Variants in CDCP2 observed in about 807,000 individuals in gnomAD.
CDCP2 encodes the protein CUB domain-containing protein 2.
A neutral mutation model predicts 31.0 loss-of-function variants in CDCP2; 31 were observed. The ratio of observed to expected loss-of-function variants is 1.00; its 90% CI spans 0.75 to 1.35. The LOEUF (loss-of-function observed/expected upper bound fraction) is 1.35. Ranked by LOEUF, CDCP2 falls within the 40% of genes most tolerant of loss-of-function variation. The pLI is 0.00. For synonymous variants in CDCP2, 206 were observed against 207.9 expected, an observed-to-expected ratio of 0.99 and a Z score of 0.08; for missense variants, 443 against 482.6, an observed-to-expected ratio of 0.92 and a Z score of 0.77.
chr1:54,136,778 G>A (rs759439090), exon 5 of CDCP2: 14 of 399,110 alleles, frequency 3.5e-5, no homozygotes, highest in African/African-American at 1.2e-4. Context: ...CTGGAAGTCC[G>A]TGCGGGAGCA....
chr1:54,144,667 C>T, exon 2 of CDCP2: 2 of 1,614,196 alleles, frequency 1.2e-6, no homozygotes, highest in Non-Finnish European at 1.7e-6. Context: ...TACTCTAGGT[C>T]AAAGGCATGG....
chr1:54,144,611 G>A, exon 2 of CDCP2: 1 of 1,614,220 alleles, frequency 6.2e-7, no homozygotes, highest in South Asian at 1.1e-5. Context: ...TGTCTGGTGA[G>A]GCCCCATTGT....
At chr1:54,141,430 A>G in exon 3 of CDCP2, 2 of 1,599,304 alleles carry the variant, frequency 1.3e-6, no homozygotes, top group Non-Finnish European at 1.7e-6. Flanking sequence ...GCCGCCACAC[A>G]CATCTGCAAG....
intron 2 of CDCP2, chr1:54,143,558 G>A (rs949181608): frequency 6.6e-5 from 10 of 151,896 alleles, no homozygotes; most frequent in African/African-American, 2.4e-4. Flanking sequence ...CAAATCTAAG[G>A]GTCTAAAATT....
At chr1:54,133,913 C>CA (rs1553173250) in intron 5 of CDCP2, among the ~76,000 whole-genome samples, 2 of 144,790 alleles carry the variant, frequency 1.4e-5, no homozygotes, top group African/African-American at 5.1e-5. Flanking sequence ...AACAAACAAA[C>CA]AAAAAAAACC....
rs1000294561 is a variant in CDCP2, at chr1:54,144,267, C to T, written c.427+199G>A. 6.8e-5 allele frequency: 38 copies of T among 562,880 alleles called. No homozygotes were observed. In the East Asian group the frequency reaches 8.0e-4, roughly 12 times the overall value. The allele number at this position is 562,880 out of a possible 1,614,324, so 34.9% of individuals were successfully genotyped here. ...GTCCTGCAGGTTACAGAGCAGCCTA[C>T]GTGCCAAGATGCTGAGACCCTGTAG... On this transcript the variant is annotated intron_variant, in intron 2 of 5. Transcript: ENST00000530059.
At chr1:54,133,424 C>T in intron 5 of CDCP2, 130 bp from the exon 6 acceptor site, 1 of 397,668 alleles carries the variant, frequency 2.5e-6, no homozygotes, top group Non-Finnish European at 4.4e-6. Context: ...AACTCTGAGC[C>T]TCAGTGATCC....
chr1:54,150,635 A>G (rs1659567535), intron 1 of CDCP2, among the ~76,000 whole-genome samples: 1 of 152,094 alleles, frequency 6.6e-6, no homozygotes, highest in South Asian at 2.1e-4. Context: ...CTCAGGACTT[A>G]AGGAAAAATC....
intron 1 of CDCP2, 126 bp downstream of exon 1, chr1:54,152,718 C>T (rs1440859449): frequency 2.5e-6 from 2 of 800,478 alleles, no homozygotes; most frequent in African/African-American, 3.4e-5. Flanking sequence ...ACATTCTCAA[C>T]TCAGCCACGT....
chr1:54,134,717 GTTTT>G (rs948432209), intron 5 of CDCP2, among the ~76,000 whole-genome samples: 1 of 139,596 alleles, frequency 7.2e-6, no homozygotes, highest in Non-Finnish European at 1.6e-5. Flanking sequence ...TTCTCATGTG[GTTTT>G]TTTTGTTTGT....
chr1:54,144,441 C>A, intron 2 of CDCP2, 25 bp downstream of exon 2: 1 of 1,540,890 alleles, frequency 6.5e-7, no homozygotes, highest in South Asian at 1.3e-5. Flanking sequence ...GCCACTGCAA[C>A]AGGTCCCTAA....
At chr1:54,146,195 T>TCCCTAACCACCTGA (rs1431830442) in intron 1 of CDCP2, among the ~76,000 whole-genome samples, 13 of 149,366 alleles carry the variant, frequency 8.7e-5, no homozygotes, top group African/African-American at 3.4e-4. Flanking sequence ...TTTTTTTTTT[T>TCCCTAACCACCTGA]TTTACGTGGA....
chr1:54,145,909 A>G (rs2100429508), intron 1 of CDCP2, among the ~76,000 whole-genome samples: 1 of 152,334 alleles, frequency 6.6e-6, no homozygotes, highest in South Asian at 2.1e-4. Flanking sequence ...ACTGAAACAA[A>G]TAAACTGAAT....
intron 2 of CDCP2, chr1:54,144,225 C>A: frequency 2.2e-6 from 1 of 452,514 alleles, no homozygotes; most frequent in East Asian, 3.8e-5. Context: ...GCCTTATAAA[C>A]TATGCATGAG....
intron 1 of CDCP2, 142 bp downstream of exon 1, chr1:54,152,702 A>G: frequency 1.4e-6 from 1 of 712,702 alleles, no homozygotes; most frequent in Non-Finnish European, 2.4e-6. Flanking sequence ...CATCTCAGGA[A>G]CAAACACATT....
At chr1:54,142,759 C>T (rs919887616) in intron 2 of CDCP2, 5 of 152,202 alleles carry the variant, frequency 3.3e-5, no homozygotes, top group East Asian at 3.8e-4. Context: ...TTTAGATAGC[C>T]TGTGAGATCC....
Position 54,141,426 on chromosome 1 carries a change from A to ACACACATC in CDCP2, c.428-1_434dup (p.Cys145TrpfsTer8). The ACACACATC allele has an allele frequency of 6.2e-7, 1 of 1,603,384 alleles. No homozygotes were observed. Among genetic ancestry groups the ACACACATC allele is most frequent in the Non-Finnish European group, 8.5e-7 (1 of 1,174,016 alleles). Reference sequence around the variant, plus strand: ...CTGACAGGCCAGTCAGGACGCCGCCACACACATCTGCAAGGGAGCCCACTT... The same window carrying ACACACATC: ...CTGACAGGCCAGTCAGGACGCCGCCACACACATCCACACATCTGCAAGGGAGCCCACTT... On this transcript the variant is annotated frameshift_variant, in exon 3 of 6. Transcript: ENST00000530059. LOFTEE classifies it high-confidence loss of function.
chr1:54,140,891 A>T (rs1359151808), intron 3 of CDCP2: 5 of 450,438 alleles, frequency 1.1e-5, no homozygotes, highest in Non-Finnish European at 1.2e-5. Context: ...AAAAAGGATT[A>T]ATTCTGGTAA....
intron 2 of CDCP2, chr1:54,141,742 C>G (rs1659379187): frequency 7.8e-6 from 2 of 257,070 alleles, no homozygotes; most frequent in South Asian, 2.3e-4. Context: ...TGAGTTCACC[C>G]AGGCAGACCT....
Sources: gnomAD v4.1 joint callset for allele counts (sites outside exome capture counted in the v4.1 genomes callset) on GRCh38, gnomAD v4.1.1 for gene constraint, MANE v1.5 for transcripts, NCBI Gene and HGNC (gene_info 2026-07-23, HGNC 2026-07-21) for gene names.